Variants in AUTS2 observed in about 807,000 individuals in gnomAD.
AUTS2 encodes the protein autism susceptibility gene 2 protein.
AUTS2 carries 17 observed loss-of-function variants against 112.4 expected under a neutral mutation model. The observed-to-expected ratio is 0.15, with a 90% CI of 0.10 to 0.23. The LOEUF (loss-of-function observed/expected upper bound fraction) is 0.23. Ranked by LOEUF, AUTS2 falls within the 10% of genes least tolerant of loss-of-function variation. The probability of loss-of-function intolerance (pLI) is 1.00; values close to 1 mark genes in which losing one functional copy is unlikely to be tolerated. For missense variants in AUTS2, 1,510 were observed against 1,701.6 expected, an observed-to-expected ratio of 0.89 and a Z score of 1.98; for synonymous variants, 751 against 702.7, an observed-to-expected ratio of 1.07 and a Z score of -1.09.
intron 2 of AUTS2, among the ~76,000 whole-genome samples, chr7:69,957,494 A>T (rs1797262723): frequency 6.6e-6 from 1 of 151,932 alleles, no homozygotes; most frequent in Non-Finnish European, 1.5e-5. Flanking sequence ...AGTTGTATTC[A>T]TTTTATCTTT....
intron 5 of AUTS2, among the ~76,000 whole-genome samples, chr7:70,493,369 G>A (rs1468906798): frequency 6.6e-6 from 1 of 152,214 alleles, no homozygotes; most frequent in Non-Finnish European, 1.5e-5. Context: ...GCAGCTGGAT[G>A]GCTGATGGGC....
intron 2 of AUTS2, among the ~76,000 whole-genome samples, chr7:70,021,171 G>A (rs536077028): frequency 4.6e-5 from 7 of 151,664 alleles, no homozygotes; most frequent in African/African-American, 1.2e-4. Flanking sequence ...TAGTAGAGAC[G>A]GGGTTTCTGT....
chr7:70,702,704 AC>A (rs1266545800), intron 6 of AUTS2, among the ~76,000 whole-genome samples: 1 of 151,936 alleles, frequency 6.6e-6, no homozygotes, highest in Admixed American at 6.6e-5. Context: ...CGTAGGCAGG[AC>A]CCCACCTCAC....
intron 5 of AUTS2, among the ~76,000 whole-genome samples, chr7:70,496,778 GTCAGAC>G (rs1798547743): frequency 6.3e-5 from 2 of 31,838 alleles, no homozygotes; most frequent in Non-Finnish European, 1.1e-4. Context: ...CACGTACACA[GTCAGAC>G]ACACACACAC....
At chr7:70,532,024 G>A (rs550167599) in intron 5 of AUTS2, among the ~76,000 whole-genome samples, 18 of 152,206 alleles carry the variant, frequency 1.2e-4, no homozygotes, top group Non-Finnish European at 2.2e-4. Flanking sequence ...ATAACAGGCT[G>A]ATTGGTCTGG....
chr7:70,231,552 C>G (rs112590368), intron 4 of AUTS2, among the ~76,000 whole-genome samples: 3 of 151,874 alleles, frequency 2.0e-5, no homozygotes, highest in Non-Finnish European at 2.9e-5. Flanking sequence ...ACACCATTCT[C>G]CTGCCTCAGC....
At chr7:70,175,912 C>T (rs1304254935) in intron 4 of AUTS2, among the ~76,000 whole-genome samples, 3 of 152,180 alleles carry the variant, frequency 2.0e-5, no homozygotes, top group Non-Finnish European at 1.5e-5. Context: ...GTTCATGGGA[C>T]TTGCTTTATT....
At chr7:69,983,215 A>G (rs1798367823) in intron 2 of AUTS2, among the ~76,000 whole-genome samples, 1 of 152,074 alleles carries the variant, frequency 6.6e-6, no homozygotes, top group Non-Finnish European at 1.5e-5. Context: ...CTAATTGTAT[A>G]TACTTTTATA....
chr7:70,297,602 T>G (rs976629618), intron 4 of AUTS2, among the ~76,000 whole-genome samples: 1 of 151,584 alleles, frequency 6.6e-6, no homozygotes, highest in African/African-American at 2.4e-5. Context: ...GGTAATTTTT[T>G]TTTTTATATT....
At chr7:70,661,457 G>A (rs1807065223) in intron 5 of AUTS2, among the ~76,000 whole-genome samples, 1 of 152,158 alleles carries the variant, frequency 6.6e-6, no homozygotes, top group Admixed American at 6.5e-5. Context: ...GAGGAGGGTG[G>A]CAGTGTGAGG....
At chr7:70,046,182 G>A (rs866884097) in intron 2 of AUTS2, among the ~76,000 whole-genome samples, 1 of 152,058 alleles carries the variant, frequency 6.6e-6, no homozygotes, top group Non-Finnish European at 1.5e-5. Flanking sequence ...CTACCTCTCA[G>A]TATCTTAAAG....
chr7:70,191,554 T>C (rs1263953969), intron 4 of AUTS2, among the ~76,000 whole-genome samples: 1 of 152,214 alleles, frequency 6.6e-6, no homozygotes, highest in East Asian at 1.9e-4. Context: ...TCATGTCTTA[T>C]TTCATAGTCA....
intron 2 of AUTS2, among the ~76,000 whole-genome samples, chr7:70,087,619 T>A (rs1189590677): frequency 6.6e-6 from 1 of 152,136 alleles, no homozygotes; most frequent in East Asian, 1.9e-4. Flanking sequence ...TCTACCCACC[T>A]CGGCCTCCCA....
chr7:70,750,779 A>C (rs11973302), intron 6 of AUTS2, among the ~76,000 whole-genome samples: 5 of 152,068 alleles, frequency 3.3e-5, no homozygotes, highest in African/African-American at 1.2e-4. Flanking sequence ...TGATTGTCCA[A>C]TGTGTGCCCC....
intron 4 of AUTS2, among the ~76,000 whole-genome samples, chr7:70,261,959 A>G (rs1176671265): frequency 6.6e-6 from 1 of 152,208 alleles, no homozygotes; most frequent in Non-Finnish European, 1.5e-5. Context: ...TTTCACTAAA[A>G]GACAAAATTT....
At chr7:70,569,837 C>T (rs912139780) in intron 5 of AUTS2, among the ~76,000 whole-genome samples, 4 of 152,164 alleles carry the variant, frequency 2.6e-5, no homozygotes, top group African/African-American at 9.7e-5. Context: ...TAAACCCCTG[C>T]ACTATTTTTA....
chr7:69,819,894 C>G (rs972419682), intron 1 of AUTS2, among the ~76,000 whole-genome samples: 1 of 152,146 alleles, frequency 6.6e-6, no homozygotes, highest in Non-Finnish European at 1.5e-5. Context: ...CCACTGGGCC[C>G]AGCCCCCAGT....
chr7:69,966,282 T>G (rs928866996), intron 2 of AUTS2, among the ~76,000 whole-genome samples: 1 of 152,120 alleles, frequency 6.6e-6, no homozygotes, highest in African/African-American at 2.4e-5. Context: ...TACATGCTCC[T>G]GATCCATTGC....
At chr7:70,677,675 G>A (rs557830018) in intron 5 of AUTS2, among the ~76,000 whole-genome samples, 9 of 151,850 alleles carry the variant, frequency 5.9e-5, no homozygotes, top group Admixed American at 2.6e-4. Flanking sequence ...CTCCTGCCTC[G>A]GCCTCCCAAG....
Sources: gnomAD v4.1 joint callset for allele counts (sites outside exome capture counted in the v4.1 genomes callset) on GRCh38, gnomAD v4.1.1 for gene constraint, MANE v1.5 for transcripts, NCBI Gene and HGNC (gene_info 2026-07-23, HGNC 2026-07-21) for gene names.